Variants in GIT2 observed in about 807,000 individuals in gnomAD.
GIT2 encodes the protein ARF GTPase-activating protein GIT2.
A neutral mutation model predicts 100.3 loss-of-function variants in GIT2; 32 were observed. The ratio of observed to expected loss-of-function variants is 0.32; its 90% confidence interval spans 0.24 to 0.43. The LOEUF (loss-of-function observed/expected upper bound fraction) is 0.43. GIT2 is among the 20% of genes least tolerant of loss of function. GIT2 has a pLI of 1.00. For missense variants in GIT2, 737 were observed against 975.1 expected, an observed-to-expected ratio of 0.76 and a Z score of 3.25; for synonymous variants, 353 against 364.1, an observed-to-expected ratio of 0.97 and a Z score of 0.35.
intron 9 of GIT2, among the ~76,000 whole-genome samples, chr12:109,963,156 C>T (rs61391330): frequency 0.28 from 43,254 of 152,058 alleles, 9,307 homozygotes; most frequent in African/African-American, 0.61. Context: ...GCATATAAAA[C>T]AAGAACTGAA....
intron 2 of GIT2, among the ~76,000 whole-genome samples, chr12:109,991,153 T>C (rs1888284655): frequency 6.6e-6 from 1 of 151,948 alleles, no homozygotes; most frequent in South Asian, 2.1e-4. Flanking sequence ...CTACTAAAAA[T>C]ACAAAAATTA....
Position 109,933,095 on chromosome 12 carries a change from G to T in GIT2, c.2163C>A (p.Asp721Glu). 2 of 1,613,010 alleles carry T rather than the reference G, an allele frequency of 1.2e-6. No individual in the cohort carries two copies. Among genetic ancestry groups the T allele is most frequent in the Non-Finnish European group, 1.7e-6 (2 of 1,179,042 alleles). The change falls in exon 20 of 20, where the codon GAC becomes GAA. Residue 721 changes from aspartate to glutamate, a missense_variant. Asp to Glu is a conservative substitution (Grantham distance 45). This residue lies in a region of GIT2 where 451 missense variants were observed against 543.7 expected (regional missense o/e 0.83). Coordinates refer to ENST00000355312, the MANE Select transcript of GIT2 (RefSeq NM_057169.5). This position sits in a 1 kb window ranked among gnomAD's most constrained non-coding sequence, Gnocchi z 4.5. The part of the protein sequence containing the change: ...QSECKKTLPG[D>E]PGSPTDVQLV... Reference sequence around the variant, plus strand: ...GCTGAACGTCTGTGGGTGAGCCGGGGTCCCCTGGGAGGGTCTTCTTGCACT... The same window carrying T: ...GCTGAACGTCTGTGGGTGAGCCGGGTTCCCCTGGGAGGGTCTTCTTGCACT...
intron 4 of GIT2, chr12:109,983,915 G>A: frequency 2.0e-6 from 1 of 495,028 alleles, no homozygotes; most frequent in Non-Finnish European, 3.7e-6. Flanking sequence ...CTAGGGCTGT[G>A]AAGGCTGACT....
intron 9 of GIT2, among the ~76,000 whole-genome samples, chr12:109,963,415 C>T (rs569692729): frequency 2.6e-5 from 4 of 152,194 alleles, no homozygotes; most frequent in Non-Finnish European, 5.9e-5. Context: ...ATGGCCAACG[C>T]TGATTATGGG....
intron 16 of GIT2, among the ~76,000 whole-genome samples, chr12:109,944,407 C>G (rs1471182849): frequency 2.0e-5 from 3 of 152,146 alleles, no homozygotes; most frequent in Non-Finnish European, 2.9e-5. Flanking sequence ...AGAACTGGGA[C>G]GTGGATTTCA....
intron 17 of GIT2, chr12:109,938,957 T>G: frequency 1.8e-6 from 1 of 554,652 alleles, no homozygotes; most frequent in South Asian, 2.1e-5. Flanking sequence ...ACACATAACA[T>G]GCTGGTACAA....
intron 12 of GIT2, among the ~76,000 whole-genome samples, chr12:109,956,165 C>T (rs984916816): frequency 6.6e-6 from 1 of 152,052 alleles, no homozygotes; most frequent in African/African-American, 2.4e-5. Flanking sequence ...CTCCTGACCT[C>T]GTGATCAGCC....
intron 7 of GIT2, among the ~76,000 whole-genome samples, chr12:109,971,919 G>C (rs142707636): frequency 1.3e-5 from 2 of 150,994 alleles, no homozygotes; most frequent in Non-Finnish European, 3.0e-5. Flanking sequence ...GCTTGAACCC[G>C]GGAGGCGGAG....
chr12:109,952,502 GGT>G (rs1270855764), intron 13 of GIT2: 2 of 518,810 alleles, frequency 3.9e-6, no homozygotes, highest in Admixed American at 3.9e-5. Context: ...TCTTCCGTCG[GGT>G]GTCATACCCC....
chr12:109,983,759 G>A lies in GIT2; in HGVS notation c.406-65C>T, dbSNP rs1032306878. 5.2e-6 allele frequency: 5 copies of A among 956,992 alleles called. No individual in the cohort carries two copies. The Admixed American group carries it at 1.0e-4, about 20-fold the overall frequency. 59.3% of individuals were successfully genotyped at this position (956,992 alleles called of 1,614,324 possible). A position where few individuals can be genotyped will look rare whatever the true frequency, so the allele number is the denominator to read the frequency against. On this transcript the variant is annotated intron_variant, in intron 4 of 19. Coordinates refer to ENST00000355312, the MANE Select transcript of GIT2 (RefSeq NM_057169.5). The stretch of plus-strand genomic sequence containing the variant: ...GTGTAAAGAATGATGTCCTAGGGCA[G>A]CTGATAGACCATTTTAATATATGTT...
At position 109,991,648 on chromosome 12, in the gene GIT2, C is replaced by T. The variant is rs763916338; in HGVS notation, c.165G>A (p.Pro55=). 5 of 1,612,698 alleles carry T rather than the reference C, an allele frequency of 3.1e-6. No homozygotes were observed. The highest frequency in any genetic ancestry group is 2.2e-5 in the East Asian group (1 of 44,876). Reference sequence around the variant, plus strand: ...TTACCTGAAGCAGTGTTGGAGGCCACGGTGTGTGTTTCAGATGCCTCACTT... The same window carrying T: ...TTACCTGAAGCAGTGTTGGAGGCCATGGTGTGTGTTTCAGATGCCTCACTT... ...ISQVRHLKHT[P]WPPTLLQMVE... Residue 55 remains proline, a synonymous_variant, in exon 2 of 20, where the codon CCG becomes CCA. Coordinates refer to ENST00000355312, the MANE Select transcript of GIT2 (RefSeq NM_057169.5).
chr12:109,965,994 G>GTTTTT (rs752096162), intron 8 of GIT2, among the ~76,000 whole-genome samples: 4 of 122,422 alleles, frequency 3.3e-5, no homozygotes, highest in Non-Finnish European at 7.0e-5. Context: ...GGTCAGGGTT[G>GTTTTT]TTTTTTTTTT....
chr12:109,945,626 G>T (rs951514990), intron 15 of GIT2, among the ~76,000 whole-genome samples: 1 of 152,146 alleles, frequency 6.6e-6, no homozygotes, highest in Non-Finnish European at 1.5e-5. Flanking sequence ...TGGATACTAT[G>T]AAATGCATAT....
chr12:109,979,719 A>G (rs1186060418), intron 7 of GIT2, among the ~76,000 whole-genome samples: 1 of 152,120 alleles, frequency 6.6e-6, no homozygotes, highest in East Asian at 1.9e-4. Context: ...TACTTTTCAG[A>G]GTCTTTAGCT....
intron 18 of GIT2, among the ~76,000 whole-genome samples, chr12:109,936,429 C>T (rs1394669276): frequency 6.6e-6 from 1 of 152,056 alleles, no homozygotes; most frequent in Non-Finnish European, 1.5e-5. Context: ...TTGACAAAGA[C>T]AGCAATATAA....
chr12:109,946,516 A>G (rs1040854915), intron 15 of GIT2, among the ~76,000 whole-genome samples: 1 of 152,240 alleles, frequency 6.6e-6, no homozygotes, highest in Non-Finnish European at 1.5e-5. Context: ...TCCAGAAGAA[A>G]TATATTTGAA....
intron 1 of GIT2, among the ~76,000 whole-genome samples, chr12:109,995,141 C>T (rs1286241923): frequency 6.6e-6 from 1 of 152,174 alleles, no homozygotes; most frequent in Non-Finnish European, 1.5e-5. Context: ...CGAATTAACT[C>T]AAAGCCAATA....
chr12:109,941,536 T>G (rs1259890925), intron 16 of GIT2, among the ~76,000 whole-genome samples: 4 of 152,076 alleles, frequency 2.6e-5, no homozygotes, highest in African/African-American at 7.2e-5. Context: ...TTTCTTTTTT[T>G]TTTTTGAGAT....
chr12:109,972,590 C>A (rs1203435775), intron 7 of GIT2, among the ~76,000 whole-genome samples: 2 of 152,136 alleles, frequency 1.3e-5, no homozygotes, highest in Non-Finnish European at 2.9e-5. Context: ...CTGCCTCAGC[C>A]TCCCAAGTAG....
Sources: gnomAD v4.1 joint callset for allele counts (sites outside exome capture counted in the v4.1 genomes callset) on GRCh38, gnomAD v4.1.1 for gene constraint, gnomAD v4.1.1 regional missense constraint, Gnocchi (gnomAD v3.1) non-coding constraint, MANE v1.5 for transcripts, NCBI Gene and HGNC (gene_info 2026-07-23, HGNC 2026-07-21) for gene names.